Variants in ANKRD45 observed in about 807,000 individuals in gnomAD.
ANKRD45 encodes the protein ankyrin repeat domain-containing protein 45.
Under a neutral mutation model 28.1 loss-of-function variants are expected in ANKRD45, and 21 were observed. That is an observed-to-expected ratio of 0.75 (90% CI 0.53 to 1.08). The LOEUF (loss-of-function observed/expected upper bound fraction) is 1.08. Among genes scored for constraint, ANKRD45 ranks in the 50% least tolerant of loss-of-function variants. The probability of loss-of-function intolerance (pLI) is 0.00; values close to 1 mark genes in which losing one functional copy is unlikely to be tolerated. For synonymous variants in ANKRD45, 86 were observed against 103.9 expected, an observed-to-expected ratio of 0.83 and a Z score of 1.05; for missense variants, 261 against 308.7, an observed-to-expected ratio of 0.85 and a Z score of 1.16.
the ANKRD45 span, among the ~76,000 whole-genome samples, chr1:173,704,158 G>C: frequency 6.6e-6 from 1 of 152,172 alleles, no homozygotes; most frequent in African/African-American, 2.4e-5. Context: ...AGGGAGGAGA[G>C]GGCCACTTCT....
At chr1:173,613,199 C>T (rs1415890431) in intron 5 of ANKRD45, among the ~76,000 whole-genome samples, 12 of 151,112 alleles carry the variant, frequency 7.9e-5, no homozygotes, top group Middle Eastern at 3.5e-3. Flanking sequence ...ACCTCTTCCC[C>T]GCCACCCCGT....
intron 1 of ANKRD45, among the ~76,000 whole-genome samples, chr1:173,666,707 T>C (rs1365520001): frequency 1.3e-5 from 2 of 152,178 alleles, no homozygotes; most frequent in African/African-American, 2.4e-5. Flanking sequence ...ACTATATATA[T>C]TGTATTGATT....
chr1:173,634,884 C>T (rs757408658), intron 3 of ANKRD45, among the ~76,000 whole-genome samples: 4 of 151,898 alleles, frequency 2.6e-5, no homozygotes, highest in Non-Finnish European at 4.4e-5. Context: ...ATCACCACCA[C>T]AGGAATATAT....
chr1:173,675,694 C>T, the ANKRD45 span, among the ~76,000 whole-genome samples: 1 of 152,078 alleles, frequency 6.6e-6, no homozygotes, highest in Non-Finnish European at 1.5e-5. Context: ...ATAGGCAAGA[C>T]TAGAATCTAA....
At chr1:173,622,971 C>A (rs1667769783) in intron 5 of ANKRD45, among the ~76,000 whole-genome samples, 3 of 151,800 alleles carry the variant, frequency 2.0e-5, no homozygotes, top group African/African-American at 7.3e-5. Flanking sequence ...CAAACAACCC[C>A]ATTAAAAAGT....
intron 3 of ANKRD45, among the ~76,000 whole-genome samples, 182 bp from the exon 4 acceptor site, chr1:173,627,341 T>C (rs1381914577): frequency 6.6e-6 from 1 of 152,128 alleles, no homozygotes; most frequent in African/African-American, 2.4e-5. Context: ...GTAGCTCCTT[T>C]TAACATCATA....
At chr1:173,637,153 A>G (rs889916428) in intron 3 of ANKRD45, 1 of 789,180 alleles carries the variant, frequency 1.3e-6, no homozygotes, top group South Asian at 2.0e-5. Context: ...CACAATCTTT[A>G]CTAAAATTTT....
intron 5 of ANKRD45, among the ~76,000 whole-genome samples, chr1:173,614,963 C>G (rs1411771764): frequency 6.6e-6 from 1 of 152,116 alleles, no homozygotes; most frequent in Middle Eastern, 3.4e-3. Flanking sequence ...ATGACAGGTG[C>G]ACGCCACCGC....
upstream of ANKRD45, among the ~76,000 whole-genome samples, chr1:173,672,596 T>C (rs1280647634): frequency 6.6e-6 from 1 of 152,196 alleles, no homozygotes; most frequent in African/African-American, 2.4e-5. Flanking sequence ...CTCTGAATGC[T>C]AATATTAGAA....
At chr1:173,669,912 G>A (rs1358096972), upstream of ANKRD45, 1 of 169,028 alleles carries the variant, frequency 5.9e-6, no homozygotes, top group Non-Finnish European at 1.5e-5. Flanking sequence ...GCGCGGGAAG[G>A]TTATTCTTGG....
At chr1:173,693,499 C>T in the ANKRD45 span, among the ~76,000 whole-genome samples, 1 of 152,140 alleles carries the variant, frequency 6.6e-6, no homozygotes, top group Non-Finnish European at 1.5e-5. Flanking sequence ...TAATCCAGAA[C>T]ACAGCTTTAA....
chr1:173,613,715 C>T (rs1246573500), intron 5 of ANKRD45, among the ~76,000 whole-genome samples: 4 of 152,104 alleles, frequency 2.6e-5, no homozygotes, highest in African/African-American at 9.7e-5. Context: ...CCCGGCCGCC[C>T]CTTCTGGGAA....
the ANKRD45 span, among the ~76,000 whole-genome samples, chr1:173,699,081 A>G: frequency 6.6e-5 from 10 of 152,184 alleles, no homozygotes; most frequent in Non-Finnish European, 1.2e-4. Context: ...GAAGAAATGG[A>G]TAAATTCCTG....
At chr1:173,666,050 G>A (rs116065201) in intron 1 of ANKRD45, among the ~76,000 whole-genome samples, 2,823 of 152,122 alleles carry the variant, frequency 0.019, 38 homozygotes, top group Middle Eastern at 0.071. Context: ...AATAAAGTAC[G>A]TATTAATTCA....
At chr1:173,694,911 A>G in the ANKRD45 span, among the ~76,000 whole-genome samples, 2 of 152,202 alleles carry the variant, frequency 1.3e-5, no homozygotes, top group Admixed American at 1.3e-4. Context: ...AAATTTTTCA[A>G]TTACACAGAA....
chr1:173,708,654 G>T, the ANKRD45 span, among the ~76,000 whole-genome samples: 8 of 152,198 alleles, frequency 5.3e-5, no homozygotes, highest in Non-Finnish European at 1.0e-4. Flanking sequence ...TTATCTTTAT[G>T]AAATTGAGTC....
chr1:173,619,211 T>C (rs575589591), intron 5 of ANKRD45, among the ~76,000 whole-genome samples: 2 of 152,248 alleles, frequency 1.3e-5, no homozygotes, highest in South Asian at 4.2e-4. Context: ...CAGTGACACT[T>C]TGAAGCAACC....
At chr1:173,633,154 A>G (rs560172703) in intron 3 of ANKRD45, among the ~76,000 whole-genome samples, 1 of 152,240 alleles carries the variant, frequency 6.6e-6, no homozygotes, top group South Asian at 2.1e-4. Flanking sequence ...AAATTACAGG[A>G]TACAAAATCA....
Position 173,635,953 on chromosome 1 carries a change from C to A in ANKRD45, c.497-8794G>T, listed in dbSNP as rs1188024553. On this transcript the variant is annotated intron_variant, in intron 3 of 5. Transcript: ENST00000333279. ...TACCGTGTTTTATTCCTCATTGTAACCTTCCCCCAACTTCCCATTCATTCC... is the reference window on the plus strand; with the variant it reads ...TACCGTGTTTTATTCCTCATTGTAAACTTCCCCCAACTTCCCATTCATTCC... 4.8e-6 allele frequency: 4 copies of A among 827,428 alleles called. No homozygotes were observed. The African/African-American group carries it at 5.2e-5, about 11-fold the overall frequency. 51.3% of individuals were successfully genotyped at this position (827,428 alleles called of 1,614,324 possible). A position where few individuals can be genotyped will look rare whatever the true frequency, so the allele number is the denominator to read the frequency against.
Sources: gnomAD v4.1 joint callset for allele counts (sites outside exome capture counted in the v4.1 genomes callset) on GRCh38, gnomAD v4.1.1 for gene constraint, MANE v1.5 for transcripts, NCBI Gene and HGNC (gene_info 2026-07-23, HGNC 2026-07-21) for gene names.